CNTN6: variants seen among roughly 807,000 people sequenced by gnomAD.
CNTN6 encodes contactin-6.
A neutral mutation model predicts 122.8 loss-of-function variants in CNTN6; 137 were observed. The observed-to-expected ratio is 1.12, with a 90% CI of 0.97 to 1.29. The LOEUF is 1.29. CNTN6 is among the 50% of genes most tolerant of loss of function. The probability of loss-of-function intolerance (pLI) is 0.00; values close to 1 mark genes in which losing one functional copy is unlikely to be tolerated. For synonymous variants in CNTN6, 570 were observed against 426.0 expected, an observed-to-expected ratio of 1.34 and a Z score of -4.16; for missense variants, 1,634 against 1,223.4, an observed-to-expected ratio of 1.34 and a Z score of -5.01.
At chr3:1,293,305 G>A (rs1303527001) in intron 5 of CNTN6, among the ~76,000 whole-genome samples, 2 of 150,448 alleles carry the variant, frequency 1.3e-5, no homozygotes, top group Non-Finnish European at 3.0e-5. Context: ...CTTTAAGTAT[G>A]GTTCATGCTT....
chr3:1,366,663 G>T (rs1181625310), intron 12 of CNTN6, among the ~76,000 whole-genome samples: 1 of 152,138 alleles, frequency 6.6e-6, no homozygotes, highest in Non-Finnish European at 1.5e-5. Context: ...GGGTACTCAT[G>T]TTAGTGCTGG....
chr3:1,258,964 C>A (rs754164026), intron 4 of CNTN6, among the ~76,000 whole-genome samples: 4 of 152,098 alleles, frequency 2.6e-5, no homozygotes, highest in Non-Finnish European at 5.9e-5. Flanking sequence ...GCCAATGTCT[C>A]TGCTGTTATT....
Position 1,271,535 on chromosome 3 carries a change from C to A in CNTN6, c.359-6878C>A, listed in dbSNP as rs146968389. ...CACCTCTGTTGTATGTGCTGGTGGG[C>A]GGTGCATAGCTCTCTATGTTGGTCA... is the stretch of plus-strand genomic sequence containing the variant. On this transcript the variant is annotated intron_variant, in intron 4 of 22. Coordinates refer to ENST00000446702, the MANE Select transcript of CNTN6 (RefSeq NM_001289080.2). Among the ~76,000 whole-genome samples the A allele has an allele frequency of 3.5e-3, 528 of 152,152 alleles. 4 individuals are homozygous for A. The highest frequency in any genetic ancestry group is 0.011 in the African/African-American group (459 of 41,504).
Position 1,240,155 on chromosome 3 carries a change from A to G in CNTN6, c.358+12162A>G, listed in dbSNP as rs554387624. On this transcript the variant is annotated intron_variant, in intron 4 of 22. Coordinates refer to ENST00000446702, the MANE Select transcript of CNTN6 (RefSeq NM_001289080.2). ...AGAACACAAAGCAAACACAACAAAA[A>G]CAAAGATAAATACATGGGACTTAAT... is the stretch of plus-strand genomic sequence containing the variant. Among the ~76,000 whole-genome samples, 62 of 152,302 alleles carry G rather than the reference A, an allele frequency of 4.1e-4. No homozygotes were observed. The Middle Eastern group carries it at 0.014, about 33-fold the overall frequency.
intron 11 of CNTN6, among the ~76,000 whole-genome samples, chr3:1,347,633 G>T (rs1399434668): frequency 6.6e-6 from 1 of 152,104 alleles, no homozygotes; most frequent in Admixed American, 6.6e-5. Flanking sequence ...CAAACAGAGT[G>T]AGAATCAGAA....
At position 1,297,893 on chromosome 3, in the gene CNTN6, G is replaced by C; in HGVS notation, c.663G>C (p.Val221=). The C allele has an allele frequency of 6.2e-7, 1 of 1,609,918 alleles. No individual in the cohort carries two copies. Among genetic ancestry groups the C allele is most frequent in the South Asian group, 1.1e-5 (1 of 90,234 alleles). The stretch of plus-strand genomic sequence containing the variant: ...AGCTCTTTTGATATTTAACAGGTGT[G>C]ATGGGGGAATATGAACCAAAGATTG... ...PTPLVQRTDG[V]MGEYEPKIEV... is the part of the protein sequence containing the mutation. The change falls in exon 7 of 23, where the codon GTG becomes GTC. Residue 221 remains valine, a synonymous_variant. Coordinates refer to ENST00000446702, the MANE Select transcript of CNTN6 (RefSeq NM_001289080.2).
At chr3:1,348,418 G>A (rs150638767) in intron 11 of CNTN6, among the ~76,000 whole-genome samples, 164 of 151,994 alleles carry the variant, frequency 1.1e-3, no homozygotes, top group African/African-American at 3.8e-3. Context: ...GCAGGGGAAC[G>A]GATATTAAGC....
At chr3:1,100,628 T>C (rs113932587) in intron 1 of CNTN6, among the ~76,000 whole-genome samples, 77 of 152,166 alleles carry the variant, frequency 5.1e-4, no homozygotes, top group Non-Finnish European at 2.2e-4. Flanking sequence ...TGCTCATTCA[T>C]TATTTCTAGG....
In CNTN6 at chr3:1,385,770, C is replaced by T. The variant is rs768505608; in HGVS notation, c.2677C>T (p.Pro893Ser). 2 of 1,611,146 alleles carry T rather than the reference C, an allele frequency of 1.2e-6. No homozygotes were observed. The highest frequency in any genetic ancestry group is 1.7e-6 in the Non-Finnish European group (2 of 1,178,994). Residue 893 changes from proline to serine, a missense_variant, in exon 20 of 23, where the codon CCA (proline) becomes TCA (serine). Pro to Ser is a moderately conservative substitution (Grantham distance 74, BLOSUM62 -1). Coordinates refer to ENST00000446702, the MANE Select transcript of CNTN6 (RefSeq NM_001289080.2). ...TGCTGGGACAGGGCCCTCAAGCCCCCCAGTCAATGTTACCACCAAAAAGTC... is the reference window on the plus strand; with the variant it reads ...TGCTGGGACAGGGCCCTCAAGCCCCTCAGTCAATGTTACCACCAAAAAGTC... ...NTAGTGPSSP[P>S]VNVTTKKSPP... is the part of the protein sequence containing the mutation.
intron 2 of CNTN6, among the ~76,000 whole-genome samples, chr3:1,156,444 GT>G (rs2092963871): frequency 1.3e-5 from 2 of 152,018 alleles, no homozygotes; most frequent in African/African-American, 4.8e-5. Flanking sequence ...AGAATTCTTA[GT>G]CTTAAAGGGA....
At chr3:1,389,168 G>C (rs1693689917) in intron 20 of CNTN6, among the ~76,000 whole-genome samples, 1 of 149,472 alleles carries the variant, frequency 6.7e-6, no homozygotes, top group Non-Finnish European at 1.5e-5. Flanking sequence ...AGAGAGAAAG[G>C]TCGGGTTACC....
chr3:1,269,103 C>G (rs1483527839), intron 4 of CNTN6, among the ~76,000 whole-genome samples: 3 of 152,010 alleles, frequency 2.0e-5, no homozygotes, highest in Non-Finnish European at 2.9e-5. Context: ...TACTTAACAT[C>G]TTCTACACAC....
At chr3:1,374,825 G>A (rs555763044) in intron 16 of CNTN6, among the ~76,000 whole-genome samples, 84 of 152,192 alleles carry the variant, frequency 5.5e-4, no homozygotes, top group Non-Finnish European at 8.5e-4. Context: ...ATTGTCAGAA[G>A]TCAATAAATC....
chr3:1,194,895 T>C (rs1387516191), intron 2 of CNTN6, among the ~76,000 whole-genome samples: 1 of 152,084 alleles, frequency 6.6e-6, no homozygotes, highest in African/African-American at 2.4e-5. Flanking sequence ...TGCTTTGACA[T>C]CTAGGGACTT....
intron 19 of CNTN6, among the ~76,000 whole-genome samples, 164 bp from the exon 20 acceptor site, chr3:1,385,447 C>T (rs771968840): frequency 6.6e-6 from 1 of 152,060 alleles, no homozygotes; most frequent in Non-Finnish European, 1.5e-5. Flanking sequence ...TAGAGAATAA[C>T]AATTTTGTTG....
At chr3:1,247,387 T>C (rs1575411387) in intron 4 of CNTN6, among the ~76,000 whole-genome samples, 1 of 152,130 alleles carries the variant, frequency 6.6e-6, no homozygotes, top group East Asian at 1.9e-4. Flanking sequence ...TGCCATATTC[T>C]AGTAATTACT....
intron 4 of CNTN6, among the ~76,000 whole-genome samples, chr3:1,234,323 A>C (rs2094394970): frequency 6.6e-6 from 1 of 152,216 alleles, no homozygotes; most frequent in African/African-American, 2.4e-5. Context: ...TCCTTGCAGA[A>C]GGATTCTAAG....
chr3:1,344,037 TC>T, intron 11 of CNTN6, among the ~76,000 whole-genome samples: 1 of 152,250 alleles, frequency 6.6e-6, no homozygotes. Flanking sequence ...AAACACTGAC[TC>T]CGTATCAGAA....
intron 2 of CNTN6, among the ~76,000 whole-genome samples, chr3:1,195,830 G>T (rs754627781): frequency 2.0e-5 from 3 of 151,678 alleles, no homozygotes; most frequent in Non-Finnish European, 4.4e-5. Context: ...TACATTTTTG[G>T]GACACATCAC....
Sources: gnomAD v4.1 joint callset for allele counts (sites outside exome capture counted in the v4.1 genomes callset) on GRCh38, gnomAD v4.1.1 for gene constraint, MANE v1.5 for transcripts, NCBI Gene and HGNC (gene_info 2026-07-23, HGNC 2026-07-21) for gene names.